The following TM7SF3 variants were observed in gnomAD, a reference collection of about 807,000 sequenced individuals.
TM7SF3 encodes the protein transmembrane 7 superfamily member 3.
TM7SF3 carries 60 observed loss-of-function variants against 65.5 expected under a neutral mutation model. The ratio of observed to expected loss-of-function variants is 0.92; its 90% CI spans 0.74 to 1.14. The LOEUF (loss-of-function observed/expected upper bound fraction) is 1.14, where lower values mean the gene tolerates loss of function less well. Ranked by LOEUF, TM7SF3 falls within the 50% of genes most tolerant of loss-of-function variation. TM7SF3 has a pLI of 0.00. For synonymous variants in TM7SF3, 264 were observed against 259.6 expected, an observed-to-expected ratio of 1.02 and a Z score of -0.16; for missense variants, 623 against 684.8, an observed-to-expected ratio of 0.91 and a Z score of 1.01.
chr12:26,980,724 TTAAATATTTAA>T, intron 7 of TM7SF3, 78 bp from the exon 8 acceptor site: 1 of 683,640 alleles, frequency 1.5e-6, no homozygotes, highest in Admixed American at 2.8e-5. Flanking sequence ...ACAGTGCAAT[TTAAATATTTAA>T]TCTACAAATA....
chr12:26,975,970 C>G (rs1340049015), intron 10 of TM7SF3, among the ~76,000 whole-genome samples: 1 of 152,156 alleles, frequency 6.6e-6, no homozygotes, highest in Admixed American at 6.5e-5. Flanking sequence ...AAACTAATGA[C>G]CCATCAGGTT....
At chr12:26,989,668 T>TACACACAC (rs144274236) in intron 6 of TM7SF3, among the ~76,000 whole-genome samples, 45 of 150,244 alleles carry the variant, frequency 3.0e-4, no homozygotes, top group Admixed American at 1.3e-4. Context: ...AACTGCTAAA[T>TACACACAC]ACACACACAC....
intron 6 of TM7SF3, among the ~76,000 whole-genome samples, chr12:26,985,815 T>G (rs1940057873): frequency 9.7e-6 from 1 of 103,608 alleles, no homozygotes; most frequent in Non-Finnish European, 2.0e-5. Context: ...CGTTTTTTTT[T>G]TTTTTTTTTT....
At chr12:26,980,353 C>A in intron 8 of TM7SF3, 1 of 556,762 alleles carries the variant, frequency 1.8e-6, no homozygotes. Context: ...CCCTCCTTTC[C>A]CTAAGTACCA....
chr12:26,991,668 G>A (rs905595292), intron 5 of TM7SF3, among the ~76,000 whole-genome samples: 6 of 152,148 alleles, frequency 3.9e-5, no homozygotes, highest in African/African-American at 1.2e-4. Flanking sequence ...GTCTGGTAAA[G>A]TTCAACAAAC....
In TM7SF3 at chr12:26,975,424, G is replaced by GT. The variant is rs1218146119; in HGVS notation, c.1450+71_1450+72insA. On this transcript the variant is annotated intron_variant, in intron 11 of 11. Coordinates refer to ENST00000343028, the MANE Select transcript of TM7SF3 (RefSeq NM_016551.3). Reference sequence around the variant, plus strand: ...CTTTCTTTAAATTTAGTTTCCAAGTGCTCTGGTTAGCATAGGTGGGTCAAG... The same window carrying GT: ...CTTTCTTTAAATTTAGTTTCCAAGTGTCTCTGGTTAGCATAGGTGGGTCAAG... The GT allele has an allele frequency of 1.5e-4, 231 of 1,510,656 alleles. 2 individuals are homozygous for GT. The South Asian group carries it at 2.7e-3, about 18-fold the overall frequency. 93.6% of individuals were successfully genotyped at this position (1,510,656 alleles called of 1,614,324 possible). A position where few individuals can be genotyped will look rare whatever the true frequency, so the allele number is the denominator to read the frequency against.
intron 6 of TM7SF3, chr12:26,983,490 T>TA (rs1565870385): frequency 4.4e-6 from 2 of 450,466 alleles, no homozygotes; most frequent in South Asian, 1.6e-5. Context: ...AAGGTATACA[T>TA]ACTGAAATAT....
chr12:26,974,302 G>C, intron 11 of TM7SF3, 75 bp from the exon 12 acceptor site: 1 of 1,443,606 alleles, frequency 6.9e-7, no homozygotes, highest in Non-Finnish European at 9.4e-7. Flanking sequence ...ACCCTTCATG[G>C]ACTAAATCTG....
intron 1 of TM7SF3, among the ~76,000 whole-genome samples, chr12:27,007,335 C>G (rs1393369630): frequency 1.3e-5 from 2 of 152,148 alleles, no homozygotes; most frequent in Non-Finnish European, 2.9e-5. Context: ...TTATGTAAAA[C>G]CTGGTCACTT....
chr12:27,014,153 G>A lies in TM7SF3; in HGVS notation c.16C>T (p.Leu6=). Residue 6 remains leucine, a synonymous_variant, in exon 1 of 12, where the codon CTG becomes TTG. Transcript: ENST00000343028. ...GATGCCAGCACCGCTACGACCAGCAGCTGCAGGAACCCCATTGCTGCCTGG... is the reference window on the plus strand; with the variant it reads ...GATGCCAGCACCGCTACGACCAGCAACTGCAGGAACCCCATTGCTGCCTGG... MGFLQ[L]LVVAVLASEH... is the part of the protein sequence containing the mutation. 2 of 1,563,508 alleles carry A rather than the reference G, an allele frequency of 1.3e-6. No homozygotes were observed. The highest frequency in any genetic ancestry group is 1.7e-6 in the Non-Finnish European group (2 of 1,153,788).
chr12:26,976,495 TC>T, intron 9 of TM7SF3, 138 bp from the exon 10 acceptor site: 1 of 631,570 alleles, frequency 1.6e-6, no homozygotes, highest in Non-Finnish European at 2.8e-6. Context: ...AGAAATGAAT[TC>T]TAATTTTCTT....
At chr12:27,013,945 A>T in intron 1 of TM7SF3, 133 bp downstream of exon 1, 1 of 771,000 alleles carries the variant, frequency 1.3e-6, no homozygotes, top group Non-Finnish European at 2.3e-6. Context: ...CCGGTTCTGG[A>T]CTCACCACCC....
intron 9 of TM7SF3, chr12:26,978,148 C>CT: frequency 2.5e-6 from 1 of 402,514 alleles, no homozygotes; most frequent in South Asian, 1.8e-5. Context: ...GATGATCACT[C>CT]TAACGGTCCT....
intron 9 of TM7SF3, chr12:26,977,867 C>T: frequency 3.7e-6 from 1 of 272,840 alleles, no homozygotes; most frequent in Non-Finnish European, 7.3e-6. Flanking sequence ...CTTTGGGAGG[C>T]CGAGGTGGGA....
chr12:26,996,592 A>T (rs940212577), intron 4 of TM7SF3, 150 bp downstream of exon 4: 1 of 725,168 alleles, frequency 1.4e-6, no homozygotes, highest in Non-Finnish European at 2.2e-6. Context: ...TCCAAATATT[A>T]ATAGTGAAGT....
chr12:27,002,299 CA>C (rs34528941), intron 2 of TM7SF3, among the ~76,000 whole-genome samples: 5 of 148,536 alleles, frequency 3.4e-5, no homozygotes, highest in Non-Finnish European at 7.5e-5. Context: ...CCCATCTCTA[CA>C]AAAAAAAAAT....
At chr12:27,010,607 A>C (rs1170011955) in intron 1 of TM7SF3, among the ~76,000 whole-genome samples, 1 of 152,282 alleles carries the variant, frequency 6.6e-6, no homozygotes, top group Non-Finnish European at 1.5e-5. Context: ...AAAAGGATTT[A>C]TTAGAAGCAT....
intron 5 of TM7SF3, among the ~76,000 whole-genome samples, chr12:26,992,848 C>A (rs1940430541): frequency 6.6e-6 from 1 of 151,482 alleles, no homozygotes; most frequent in Admixed American, 6.6e-5. Context: ...CTTAGCTCAC[C>A]TACGAAAATG....
At chr12:27,008,017 C>T (rs1941103321) in intron 1 of TM7SF3, among the ~76,000 whole-genome samples, 1 of 152,068 alleles carries the variant, frequency 6.6e-6, no homozygotes, top group African/African-American at 2.4e-5. Flanking sequence ...TAACTCTAAA[C>T]ATTTTCTGTG....
Sources: gnomAD v4.1 joint callset for allele counts (sites outside exome capture counted in the v4.1 genomes callset) on GRCh38, gnomAD v4.1.1 for gene constraint, MANE v1.5 for transcripts, NCBI Gene and HGNC (gene_info 2026-07-23, HGNC 2026-07-21) for gene names.